Variants in RARB observed in about 807,000 individuals in gnomAD.
RARB encodes the protein retinoic acid receptor beta.
In RARB, 17 loss-of-function variants were observed where a neutral mutation model predicts 51.9. That is an observed-to-expected ratio of 0.33 (90% CI 0.22 to 0.49). The LOEUF (loss-of-function observed/expected upper bound fraction) is 0.49, where lower values mean the gene tolerates loss of function less well. Ranked by LOEUF, RARB falls within the 20% of genes least tolerant of loss-of-function variation. The probability of loss-of-function intolerance (pLI) is 0.99; values close to 1 mark genes in which losing one functional copy is unlikely to be tolerated. For missense variants in RARB, 369 were observed against 550.8 expected (o/e 0.67, Z 3.30); for synonymous variants, 215 against 195.4 (o/e 1.10, Z -0.84).
intron 5 of RARB, among the ~76,000 whole-genome samples, chr3:25,358,803 C>G (rs1272950807): frequency 3.3e-5 from 5 of 152,152 alleles, no homozygotes; most frequent in African/African-American, 1.2e-4. Flanking sequence ...ATATGTTGAA[C>G]CAGCCTTGCA....
At chr3:25,353,958 T>A (rs1705653169) in intron 5 of RARB, among the ~76,000 whole-genome samples, 1 of 152,084 alleles carries the variant, frequency 6.6e-6, no homozygotes, top group African/African-American at 2.4e-5. Flanking sequence ...TGACTATATG[T>A]TCATGCATTT....
intron 2 of RARB, among the ~76,000 whole-genome samples, chr3:25,044,779 T>C (rs1698180686): frequency 1.3e-5 from 2 of 152,214 alleles, no homozygotes; most frequent in African/African-American, 4.8e-5. Flanking sequence ...ATAGAACTTC[T>C]TCCTAGCAGC....
chr3:25,259,909 C>G (rs562063011), intron 5 of RARB: 2 of 985,126 alleles, frequency 2.0e-6, no homozygotes, highest in Non-Finnish European at 2.4e-6. Flanking sequence ...GGAAGGTTTT[C>G]TTTCTCAGGC....
At position 25,146,734 on chromosome 3, in the gene RARB, T is replaced by C. The variant is rs543507382; in HGVS notation, c.-280+14526T>C. ...CGGGGTTTCACCATGTTAGCCAGGA[T>C]AGTCTCGATCTCCTGACCTCATGAT... On this transcript the variant is annotated intron_variant, in intron 4 of 11. Transcript: ENST00000383772. 1.8e-4 allele frequency among the ~76,000 whole-genome samples: 28 copies of C among 152,046 alleles called. No individual in the cohort carries two copies. In the South Asian group the frequency reaches 5.6e-3, roughly 30 times the overall value.
chr3:25,139,814 A>T (rs1010409083), intron 4 of RARB, among the ~76,000 whole-genome samples: 1 of 152,154 alleles, frequency 6.6e-6, no homozygotes, highest in African/African-American at 2.4e-5. Flanking sequence ...CTCTCTTTTT[A>T]GGGGCTAATG....
intron 2 of RARB, among the ~76,000 whole-genome samples, chr3:24,977,059 T>C (rs1409057947): frequency 6.6e-6 from 1 of 152,198 alleles, no homozygotes; most frequent in Non-Finnish European, 1.5e-5. Context: ...TTGTCAAAGA[T>C]CAGATGGTTG....
At chr3:24,988,820 TTTTA>T (rs1224598881) in intron 2 of RARB, among the ~76,000 whole-genome samples, 7 of 152,214 alleles carry the variant, frequency 4.6e-5, no homozygotes, top group East Asian at 1.9e-4. Context: ...TTGTTATTAT[TTTTA>T]TTTATTTATT....
chr3:25,183,274 A>C (rs980113764), intron 5 of RARB, among the ~76,000 whole-genome samples: 1 of 152,064 alleles, frequency 6.6e-6, no homozygotes, highest in African/African-American at 2.4e-5. Flanking sequence ...TGAAGAAAGG[A>C]CTTTTTTTAT....
intron 5 of RARB, among the ~76,000 whole-genome samples, chr3:25,363,520 T>C (rs1447353545): frequency 1.3e-5 from 2 of 152,168 alleles, no homozygotes; most frequent in African/African-American, 4.8e-5. Context: ...TCTTGTCTCC[T>C]TTCTTTCTGT....
intron 2 of RARB, among the ~76,000 whole-genome samples, chr3:24,869,366 AC>A (rs1702904289): frequency 6.6e-6 from 1 of 152,154 alleles, no homozygotes; most frequent in East Asian, 1.9e-4. Context: ...TATGGTTTTC[AC>A]ATAAATGTAA....
chr3:24,966,606 ATCTCTC>A lies in RARB; in HGVS notation c.-379-93485_-379-93480del, dbSNP rs55848511. On this transcript the variant is annotated intron_variant, in intron 2 of 11. Transcript: ENST00000383772. ...CTGTGTCTGACCTTGGTTTACATTC[ATCTCTC>A]TCTCTCTCTCTCTCTCTCTCTCTCT... is the stretch of plus-strand genomic sequence containing the variant. 8.7e-3 allele frequency among the ~76,000 whole-genome samples: 1,218 copies of A among 140,258 alleles called. 8 individuals carry two copies. The highest frequency in any genetic ancestry group is 0.015 in the African/African-American group (542 of 36,970). The allele number at this position is 140,258 out of a possible 152,430, so 92.0% of individuals were successfully genotyped here.
intron 5 of RARB, among the ~76,000 whole-genome samples, chr3:25,335,474 A>T (rs546034641): frequency 1.3e-5 from 2 of 152,306 alleles, no homozygotes; most frequent in African/African-American, 4.8e-5. Context: ...GTTGGCATGT[A>T]TTTTATTGGC....
rs138649959 is a variant in RARB, at chr3:25,120,527, A to ATCTCTCTCTCTCTC, written c.-327-11611_-327-11598dup. On this transcript the variant is annotated intron_variant, in intron 3 of 11. Transcript: ENST00000383772. ...AAGAAATATAAATATATATATAAAA[A>ATCTCTCTCTCTCTC]TCTCTCTCTCTCTCTCTCTCTCTCT... Among the ~76,000 whole-genome samples, 1,261 of 136,132 alleles carry ATCTCTCTCTCTCTC rather than the reference A, an allele frequency of 9.3e-3. 26 individuals carry two copies. Among genetic ancestry groups the ATCTCTCTCTCTCTC allele is most frequent in the African/African-American group, 0.013 (477 of 35,642 alleles). 89.3% of individuals were successfully genotyped at this position (136,132 alleles called of 152,430 possible).
chr3:25,527,178 A>G (rs1698689920), intron 3 of RARB, among the ~76,000 whole-genome samples: 1 of 152,208 alleles, frequency 6.6e-6, no homozygotes, highest in African/African-American at 2.4e-5. Context: ...AGTCTCCTAC[A>G]TCGTGCTGAT....
intron 5 of RARB, among the ~76,000 whole-genome samples, chr3:25,293,029 TTAATTTTTTTC>T (rs1441532237): frequency 6.6e-6 from 1 of 152,206 alleles, no homozygotes; most frequent in Non-Finnish European, 1.5e-5. Flanking sequence ...TGTGTTATTT[TTAATTTTTTTC>T]CTGTGGCTGA....
intron 5 of RARB, among the ~76,000 whole-genome samples, chr3:25,264,705 A>G (rs1703084830): frequency 6.6e-6 from 1 of 152,182 alleles, no homozygotes; most frequent in Non-Finnish European, 1.5e-5. Context: ...ACCCATAAGA[A>G]TCCTACTAAT....
chr3:25,147,131 G>T (rs1559482825), intron 4 of RARB, among the ~76,000 whole-genome samples: 1 of 152,104 alleles, frequency 6.6e-6, no homozygotes. Flanking sequence ...AATTCATTGG[G>T]GGACACAATT....
intron 3 of RARB, among the ~76,000 whole-genome samples, chr3:25,073,675 TG>T (rs1698815427): frequency 6.6e-6 from 1 of 152,228 alleles, no homozygotes; most frequent in African/African-American, 2.4e-5. Flanking sequence ...CAGTAAATAA[TG>T]TGCGTGTAAT....
chr3:25,304,694 ATAGT>A (rs1441593534), intron 5 of RARB, among the ~76,000 whole-genome samples: 1 of 152,174 alleles, frequency 6.6e-6, no homozygotes, highest in African/African-American at 2.4e-5. Flanking sequence ...GGTTATTATA[ATAGT>A]TAATTAGTTT....
Sources: allele counts gnomAD v4.1 joint callset (sites outside exome capture counted in the v4.1 genomes callset), GRCh38; gene constraint gnomAD v4.1.1; transcripts MANE v1.5; gene names NCBI Gene and HGNC (gene_info 2026-07-23, HGNC 2026-07-21).